STRN: variants seen among roughly 807,000 people sequenced by gnomAD.
The protein encoded by STRN is protein phosphatase 2 regulatory subunit B'''alpha.
Under a neutral mutation model 96.3 loss-of-function variants are expected in STRN, and 53 were observed. The ratio of observed to expected loss-of-function variants is 0.55; its 90% CI spans 0.44 to 0.69. The LOEUF (loss-of-function observed/expected upper bound fraction) is 0.69, where lower values mean the gene tolerates loss of function less well. Ranked by LOEUF, STRN falls within the 30% of genes least tolerant of loss-of-function variation. The probability of loss-of-function intolerance (pLI) is 0.00; values close to 1 mark genes in which losing one functional copy is unlikely to be tolerated. For missense variants in STRN, 987 were observed against 963.9 expected (o/e 1.02, Z -0.32); for synonymous variants, 428 against 355.9 (o/e 1.20, Z -2.28).
In STRN at chr2:36,849,736, A is replaced by T; in HGVS notation, c.2151T>A (p.Asn717Lys). The part of the protein sequence containing the change: ...EAVTSLAVDP[N>K]GLYLMSGSHD... ...TACTGCCAGACATCAAGTAAAGGCC[A>T]TTGGGATCAACTGCTAAACTTGTAA... The change falls in exon 17 of 18, where the codon AAT (asparagine) becomes AAA (lysine). Residue 717 changes from asparagine (N) to lysine (K), a missense_variant. Coordinates refer to ENST00000263918, the MANE Select transcript of STRN (RefSeq NM_003162.4). 1 of 1,614,182 alleles carries T rather than the reference A, an allele frequency of 6.2e-7. No individual in the cohort carries two copies. Among genetic ancestry groups the T allele is most frequent in the Non-Finnish European group, 8.5e-7 (1 of 1,180,002 alleles).
chr2:36,925,082 C>G, intron 2 of STRN, 23 bp downstream of exon 2: 2 of 1,580,308 alleles, frequency 1.3e-6, no homozygotes, highest in Non-Finnish European at 8.7e-7. Flanking sequence ...AAAAGAACAC[C>G]ACTTTTCATT....
Position 36,905,654 on chromosome 2 carries a change from T to A in STRN, c.413-36A>T, listed in dbSNP as rs550491952. 7.2e-5 allele frequency: 114 copies of A among 1,577,758 alleles called. 1 individual carries two copies. In the South Asian group the frequency reaches 1.2e-3, roughly 17 times the overall value. On this transcript the variant is annotated intron_variant, in intron 3 of 17. Coordinates refer to ENST00000263918, the MANE Select transcript of STRN (RefSeq NM_003162.4). ...TTAAGTCATAATAAAACTGACTTGTTTTACGTATTAGAGGGCATCTTAATT... is the reference window on the plus strand; with the variant it reads ...TTAAGTCATAATAAAACTGACTTGTATTACGTATTAGAGGGCATCTTAATT...
chr2:36,884,135 G>T (rs1669150366), intron 8 of STRN, 60 bp from the exon 9 acceptor site: 1 of 1,274,648 alleles, frequency 7.8e-7, no homozygotes, highest in East Asian at 2.8e-5. Flanking sequence ...TTATCCAATT[G>T]CATCAAAATG....
chr2:36,917,059 T>TA (rs1296076417), intron 2 of STRN, among the ~76,000 whole-genome samples: 1 of 134,014 alleles, frequency 7.5e-6, no homozygotes, highest in Non-Finnish European at 1.6e-5. Context: ...AAATAAAAAA[T>TA]AAAAATAAAT....
At chr2:36,874,717 T>TAAAAAA (rs35268065) in intron 10 of STRN, among the ~76,000 whole-genome samples, 23 of 86,256 alleles carry the variant, frequency 2.7e-4, no homozygotes, top group East Asian at 1.1e-3. Flanking sequence ...TGTTTAGAGT[T>TAAAAAA]AAAAAAAAAA....
intron 2 of STRN, among the ~76,000 whole-genome samples, chr2:36,919,048 A>G (rs1670179985): frequency 6.6e-6 from 1 of 152,254 alleles, no homozygotes; most frequent in South Asian, 2.1e-4. Flanking sequence ...TTCAAAGCCT[A>G]TTATTATACA....
intron 1 of STRN, among the ~76,000 whole-genome samples, chr2:36,950,632 C>G (rs1664732346): frequency 6.6e-6 from 1 of 152,214 alleles, no homozygotes; most frequent in East Asian, 1.9e-4. Flanking sequence ...ATATCTGCCT[C>G]TTCTCCATGG....
At chr2:36,906,559 G>A (rs1423508754) in intron 3 of STRN, among the ~76,000 whole-genome samples, 1 of 152,042 alleles carries the variant, frequency 6.6e-6, no homozygotes. Flanking sequence ...TGGTAGAAGA[G>A]CCAATTTGGT....
At chr2:36,938,500 A>T (rs763238450) in intron 1 of STRN, among the ~76,000 whole-genome samples, 8 of 152,086 alleles carry the variant, frequency 5.3e-5, no homozygotes, top group Non-Finnish European at 8.8e-5. Context: ...GGGTAGTACT[A>T]GTATAGCTCA....
Position 36,894,033 on chromosome 2 carries a change from T to C in STRN, c.796A>G (p.Ile266Val). Reference protein sequence around the residue: ...REKSVIDTSTIVRKKALPDSG... With the variant: ...REKSVIDTSTVVRKKALPDSG... ...TCAGGCAATGCTTTTTTCCTAACAA[T>C]CTAATGAAAAAACATGCTAAATTAA... The change falls in exon 7 of 18, where the codon ATT (isoleucine) becomes GTT (valine). Residue 266 changes from isoleucine to valine, a missense_variant and splice_region_variant. Physicochemically the swap from Ile to Val is conservative, Grantham distance 29. Coordinates refer to ENST00000263918, the MANE Select transcript of STRN (RefSeq NM_003162.4). The C allele has an allele frequency of 1.2e-6, 2 of 1,608,154 alleles. No homozygotes were observed. The highest frequency in any genetic ancestry group is 8.5e-7 in the Non-Finnish European group (1 of 1,178,652).
chr2:36,879,656 G>A (rs151110720), intron 9 of STRN, among the ~76,000 whole-genome samples: 23 of 152,152 alleles, frequency 1.5e-4, no homozygotes, highest in African/African-American at 5.3e-4. Context: ...TCCTACAGAT[G>A]GTTACATATG....
intron 10 of STRN, among the ~76,000 whole-genome samples, chr2:36,876,161 T>C (rs1381217140): frequency 6.7e-6 from 1 of 150,308 alleles, no homozygotes; most frequent in Non-Finnish European, 1.5e-5. Context: ...TCCCAGCTAC[T>C]TGGGAGGCTG....
chr2:36,947,569 T>A (rs1333320534), intron 1 of STRN, among the ~76,000 whole-genome samples: 3 of 145,776 alleles, frequency 2.1e-5, no homozygotes, highest in Non-Finnish European at 3.0e-5. Flanking sequence ...TACATATATA[T>A]TATATATATA....
At chr2:36,925,067 A>G in intron 2 of STRN, 38 bp downstream of exon 2, 1 of 1,575,436 alleles carries the variant, frequency 6.3e-7, no homozygotes, top group Non-Finnish European at 8.7e-7. Context: ...AAAACAAATA[A>G]ACAAAAAAGA....
rs1284442689 is a variant in STRN at position 36,838,813 on chromosome 2, G to A, written c.*10643C>T. 6.6e-6 allele frequency among the ~76,000 whole-genome samples: 1 copy of A among 152,182 alleles called. No homozygotes were observed. The highest frequency in any genetic ancestry group is 1.5e-5 in the Non-Finnish European group (1 of 68,018). ...TAAAAAGGAAATAAGAGCTATGATA[G>A]ACTTAGAGAAATTCTCATCCTACAT... On this transcript the variant is annotated 3_prime_UTR_variant, in exon 18 of 18. Coordinates refer to ENST00000263918, the MANE Select transcript of STRN (RefSeq NM_003162.4).
At chr2:36,949,790 T>G (rs189378304) in intron 1 of STRN, among the ~76,000 whole-genome samples, 3 of 152,242 alleles carry the variant, frequency 2.0e-5, no homozygotes, top group Admixed American at 2.0e-4. Context: ...TAGTAGGTCA[T>G]CCAGGTGAAG....
chr2:36,858,143 G>C (rs1294359240), intron 13 of STRN, 120 bp from the exon 14 acceptor site: 13 of 701,104 alleles, frequency 1.9e-5, no homozygotes, highest in South Asian at 5.2e-5. Context: ...TATGATTCTT[G>C]GTTTCTATTA....
rs1295696528 is a variant in STRN, at chr2:36,847,705, A to G, written c.*1751T>C. The G allele has an allele frequency of 6.6e-6, 1 of 152,188 alleles. No individual in the cohort carries two copies. Among genetic ancestry groups the G allele is most frequent in the Non-Finnish European group, 1.5e-5 (1 of 68,018 alleles). 9.4% of individuals were successfully genotyped at this position (152,188 alleles called of 1,614,324 possible). A position where few individuals can be genotyped will look rare whatever the true frequency, so the allele number is the denominator to read the frequency against. Reference sequence around the variant, plus strand: ...CTAGCTTTAAAGAAAATTTGCCTGTATAATGCAGAATTCTAGAGGCAAACA... The same window carrying G: ...CTAGCTTTAAAGAAAATTTGCCTGTGTAATGCAGAATTCTAGAGGCAAACA... On this transcript the variant is annotated 3_prime_UTR_variant, in exon 18 of 18. Coordinates refer to ENST00000263918, the MANE Select transcript of STRN (RefSeq NM_003162.4).
intron 7 of STRN, among the ~76,000 whole-genome samples, chr2:36,893,686 T>G (rs552635240): frequency 1.2e-4 from 18 of 152,022 alleles, no homozygotes; most frequent in Non-Finnish European, 2.6e-4. Context: ...CATACTGTAT[T>G]GTTGTTGTTT....
Sources: allele counts gnomAD v4.1 joint callset (sites outside exome capture counted in the v4.1 genomes callset), GRCh38; gene constraint gnomAD v4.1.1; transcripts MANE v1.5; gene names NCBI Gene and HGNC (gene_info 2026-07-23, HGNC 2026-07-21).